The following ZNG1A variants were observed in gnomAD, a reference collection of about 807,000 sequenced individuals.
ZNG1A encodes zinc-regulated GTPase metalloprotein activator 1A.
the ZNG1A span, among the ~76,000 whole-genome samples, chr9:138,359 C>T: frequency 7.1e-6 from 1 of 140,598 alleles, no homozygotes; most frequent in East Asian, 2.1e-4. Context: ...CTTCTGGCTG[C>T]TGAAATAATC....
the ZNG1A span, chr9:156,372 T>C: frequency 7.0e-7 from 1 of 1,423,724 alleles, no homozygotes; most frequent in African/African-American, 1.4e-5. Context: ...AGAAAATAAA[T>C]TTTCCTTGAC....
At chr9:178,019 TTATTTA>T in the ZNG1A span, among the ~76,000 whole-genome samples, 15 of 132,502 alleles carry the variant, frequency 1.1e-4, 1 homozygote, top group South Asian at 3.0e-3. Context: ...AAACAGTATT[TTATTTA>T]TATTTCTTAA....
chr9:174,070 C>T, the ZNG1A span, among the ~76,000 whole-genome samples: 1 of 151,104 alleles, frequency 6.6e-6, no homozygotes, highest in Non-Finnish European at 1.5e-5. Flanking sequence ...TGGCGTGAAC[C>T]CGGGAGGCGG....
At chr9:156,104 G>A in the ZNG1A span, among the ~76,000 whole-genome samples, 76 of 149,490 alleles carry the variant, frequency 5.1e-4, no homozygotes, top group African/African-American at 1.7e-3. Flanking sequence ...TTCAGCCTGG[G>A]TGACAGTGAG....
chr9:121,615 T>C, the ZNG1A span: 109 of 1,572,022 alleles, frequency 6.9e-5, no homozygotes, highest in Admixed American at 2.7e-4. Context: ...ATTATGCTTA[T>C]TAAAATGACA....
the ZNG1A span, among the ~76,000 whole-genome samples, chr9:170,128 G>A: frequency 4.8e-5 from 7 of 146,318 alleles, no homozygotes; most frequent in East Asian, 5.9e-4. Flanking sequence ...ATATCCCTGC[G>A]GTATGGCTGT....
the ZNG1A span, chr9:121,585 A>T: frequency 6.2e-7 from 1 of 1,600,876 alleles, no homozygotes; most frequent in South Asian, 1.1e-5. Context: ...TGCAAACAAA[A>T]CAAAATATGA....
the ZNG1A span, chr9:166,582 C>T: frequency 6.6e-6 from 1 of 152,590 alleles, no homozygotes; most frequent in South Asian, 2.1e-4. Context: ...CCAATAAAAA[C>T]TAAAGAAAAT....
chr9:168,897 C>T, the ZNG1A span, among the ~76,000 whole-genome samples: 2 of 152,046 alleles, frequency 1.3e-5, no homozygotes, highest in South Asian at 2.1e-4. Flanking sequence ...AATATTATTG[C>T]TCATTGACAA....
the ZNG1A span, chr9:150,366 T>G: frequency 3.1e-6 from 3 of 954,912 alleles, no homozygotes; most frequent in African/African-American, 1.8e-5. Context: ...GACCTCGTGA[T>G]CCACCCACCT....
At chr9:125,185 G>A in the ZNG1A span, among the ~76,000 whole-genome samples, 1 of 151,492 alleles carries the variant, frequency 6.6e-6, no homozygotes, top group South Asian at 2.1e-4. Flanking sequence ...GTGTAGAAGT[G>A]TTCCGTGTTC....
chr9:133,503 G>T, the ZNG1A span, among the ~76,000 whole-genome samples: 3 of 142,586 alleles, frequency 2.1e-5, no homozygotes, highest in Non-Finnish European at 3.0e-5. Context: ...ATGTTGGGAG[G>T]ATAGGTGAAA....
chr9:137,404 ATT>A, the ZNG1A span, among the ~76,000 whole-genome samples: 357 of 148,616 alleles, frequency 2.4e-3, 1 homozygote, highest in African/African-American at 8.4e-3. Context: ...TTCATGCAGC[ATT>A]GTTTCATTTG....
chr9:176,481 A>G, the ZNG1A span, among the ~76,000 whole-genome samples: 1 of 151,412 alleles, frequency 6.6e-6, no homozygotes, highest in Non-Finnish European at 1.5e-5. Context: ...TGTAGGCTAT[A>G]CATGTCTTCT....
At chr9:156,032 T>A in the ZNG1A span, among the ~76,000 whole-genome samples, 1 of 150,482 alleles carries the variant, frequency 6.6e-6, no homozygotes, top group Non-Finnish European at 1.5e-5. Flanking sequence ...CCCAGCTACT[T>A]GGGAGGCTGA....
chr9:128,578 T>TACAAGA, the ZNG1A span, among the ~76,000 whole-genome samples: 1 of 146,790 alleles, frequency 6.8e-6, no homozygotes, highest in African/African-American at 2.6e-5. Context: ...ATTTCTCCCT[T>TACAAGA]TACTTCTTGT....
the ZNG1A span, among the ~76,000 whole-genome samples, chr9:165,398 A>T: frequency 6.8e-6 from 1 of 146,662 alleles, no homozygotes; most frequent in Non-Finnish European, 1.5e-5. Context: ...GTAAGAGTAT[A>T]TTAATGCTTT....
At chr9:173,633 C>T in the ZNG1A span, among the ~76,000 whole-genome samples, 2 of 152,094 alleles carry the variant, frequency 1.3e-5, no homozygotes, top group African/African-American at 4.8e-5. Context: ...TACTTGGCCA[C>T]CCCCATTTCT....
the ZNG1A span, among the ~76,000 whole-genome samples, chr9:124,053 A>G: frequency 6.6e-6 from 1 of 152,344 alleles, no homozygotes; most frequent in East Asian, 1.9e-4. Flanking sequence ...AAGAGTTCTT[A>G]GCGATGAGAA....
Sources: allele counts gnomAD v4.1 joint callset (sites outside exome capture counted in the v4.1 genomes callset), GRCh38; gene constraint gnomAD v4.1.1; transcripts MANE v1.5; gene names NCBI Gene and HGNC (gene_info 2026-07-23, HGNC 2026-07-21).